Variants in SORCS2 observed in about 807,000 individuals in gnomAD.
The protein encoded by SORCS2 is VPS10 domain-containing receptor SorCS2.
SORCS2 carries 100 observed loss-of-function variants against 141.6 expected under a neutral mutation model. The observed-to-expected ratio is 0.71, with a 90% confidence interval of 0.60 to 0.83. The LOEUF (loss-of-function observed/expected upper bound fraction) is 0.83. Ranked by LOEUF, SORCS2 falls within the 40% of genes least tolerant of loss-of-function variation. The pLI is 0.00. For missense variants in SORCS2, 1,646 were observed against 1,560.2 expected (o/e 1.05, Z -0.93); for synonymous variants, 789 against 676.9 (o/e 1.17, Z -2.57).
At chr4:7,204,408 G>A (rs966578359) in intron 1 of SORCS2, among the ~76,000 whole-genome samples, 3 of 152,002 alleles carry the variant, frequency 2.0e-5, no homozygotes, top group African/African-American at 7.3e-5. Flanking sequence ...GTAGAGATGG[G>A]GGTTTTGCTG....
At chr4:7,393,885 C>T (rs924410628) in intron 1 of SORCS2, among the ~76,000 whole-genome samples, 3 of 152,258 alleles carry the variant, frequency 2.0e-5, no homozygotes, top group Non-Finnish European at 2.9e-5. Context: ...CAGAGCCAAG[C>T]GTGGAACCCG....
intron 2 of SORCS2, among the ~76,000 whole-genome samples, chr4:7,414,724 G>T (rs1451720225): frequency 6.6e-6 from 1 of 152,352 alleles, no homozygotes; most frequent in East Asian, 1.9e-4. Context: ...AAGAGCAACG[G>T]TACCAGGTGC....
At chr4:7,699,590 G>A (rs990833674) in intron 12 of SORCS2, among the ~76,000 whole-genome samples, 24 of 152,136 alleles carry the variant, frequency 1.6e-4, no homozygotes, top group Non-Finnish European at 2.2e-4. Context: ...CATCTCTCTC[G>A]GGGGACCCCC....
rs994941620 is a variant in SORCS2 at position 7,456,790 on chromosome 4, G to T, written c.548+60435G>T. 6.6e-5 allele frequency among the ~76,000 whole-genome samples: 10 copies of T among 152,158 alleles called. No individual in the cohort carries two copies. In the East Asian group the frequency reaches 1.7e-3, roughly 27 times the overall value. On this transcript the variant is annotated intron_variant, in intron 2 of 26. Coordinates refer to ENST00000507866, the MANE Select transcript of SORCS2 (RefSeq NM_020777.3). Reference sequence around the variant, plus strand: ...CTGTGGCAGGGGTAGGGGGGTGGAGGGTCATCTCTCGACGATCAGTGTGGA... The same window carrying T: ...CTGTGGCAGGGGTAGGGGGGTGGAGTGTCATCTCTCGACGATCAGTGTGGA...
rs1464797615 is a variant in SORCS2, at chr4:7,675,366, TG to T, written c.1162-683del. Among the ~76,000 whole-genome samples, 4 of 152,214 alleles carry T rather than the reference TG, an allele frequency of 2.6e-5. No individual in the cohort carries two copies. In the East Asian group the frequency reaches 7.7e-4, roughly 29 times the overall value. The stretch of plus-strand genomic sequence containing the variant: ...TCCTTCTCTGCCTCCCCCTCCAGAC[TG>T]TGCCCCCAGGGCTCAGGGCTGGCAG... On this transcript the variant is annotated intron_variant, in intron 8 of 26. Coordinates refer to ENST00000507866, the MANE Select transcript of SORCS2 (RefSeq NM_020777.3).
Position 7,294,202 on chromosome 4 carries a change from T to G in SORCS2, c.480+101076T>G, listed in dbSNP as rs527521939. On this transcript the variant is annotated intron_variant, in intron 1 of 26. Transcript: ENST00000507866. ...TGCCTGGCAATTAGGAAAGAGCCCA[T>G]GATGAGGCAGTGCCGGGGCGTAGGG... 2.0e-5 allele frequency among the ~76,000 whole-genome samples: 3 copies of G among 152,216 alleles called. No individual in the cohort carries two copies. In the East Asian group the frequency reaches 5.8e-4, roughly 29 times the overall value.
At chr4:7,282,112 A>G (rs1419093823) in intron 1 of SORCS2, among the ~76,000 whole-genome samples, 9 of 152,056 alleles carry the variant, frequency 5.9e-5, no homozygotes, top group African/African-American at 2.4e-5. Flanking sequence ...GGTTTTTCCC[A>G]CGGAACTCAG....
chr4:7,661,027 G>C (rs772990082), intron 5 of SORCS2, among the ~76,000 whole-genome samples: 1 of 152,208 alleles, frequency 6.6e-6, no homozygotes, highest in African/African-American at 2.4e-5. Flanking sequence ...GAGTCATTTT[G>C]CTTCTCTGAG....
At chr4:7,721,848 C>T (rs574112639) in intron 18 of SORCS2, among the ~76,000 whole-genome samples, 8 of 152,188 alleles carry the variant, frequency 5.3e-5, no homozygotes, top group African/African-American at 9.6e-5. Context: ...TGTATCATTC[C>T]GTACAACTAC....
chr4:7,212,373 A>T (rs1237604589), intron 1 of SORCS2, among the ~76,000 whole-genome samples: 1 of 152,190 alleles, frequency 6.6e-6, no homozygotes, highest in Admixed American at 6.5e-5. Flanking sequence ...AGGATGTGTT[A>T]AGCAGGACTT....
chr4:7,565,793 GATGATGATGGTGATGATGTGATGATGGCA>G (rs1246666830), intron 3 of SORCS2, among the ~76,000 whole-genome samples: 38 of 150,874 alleles, frequency 2.5e-4, no homozygotes, highest in Non-Finnish European at 3.6e-4. Flanking sequence ...TGATGGATAT[GATGATGATGGTGATGATGTGATGATGGCA>G]ATGGTGATGA....
chr4:7,374,046 A>G (rs905030831), intron 1 of SORCS2, among the ~76,000 whole-genome samples: 2 of 152,120 alleles, frequency 1.3e-5, no homozygotes, highest in Non-Finnish European at 2.9e-5. Context: ...TTCAGAGTCT[A>G]CATTTAGGTC....
At chr4:7,561,668 C>T (rs1714586724) in intron 3 of SORCS2, among the ~76,000 whole-genome samples, 1 of 152,104 alleles carries the variant, frequency 6.6e-6, no homozygotes, top group Non-Finnish European at 1.5e-5. Flanking sequence ...ATTCATCCAT[C>T]TATCCATCCA....
chr4:7,728,434 G>C lies in SORCS2; in HGVS notation c.2954G>C (p.Gly985Ala). Residue 985 changes from glycine (G) to alanine (A), a missense_variant, in exon 22 of 27, where the codon GGC (glycine) becomes GCC (alanine). Gly to Ala is a moderately conservative substitution (Grantham distance 60). Transcript: ENST00000507866. ...PNTPEWREDV[G>A]LVVTRLLSKE... ...ACCCCTGAGTGGAGGGAAGACGTGGGCCTGGTGGTCACCCGGCTGCTCTCC... is the reference window on the plus strand; with the variant it reads ...ACCCCTGAGTGGAGGGAAGACGTGGCCCTGGTGGTCACCCGGCTGCTCTCC... 6.2e-7 allele frequency: 1 copy of C among 1,613,462 alleles called. No individual in the cohort carries two copies.
chr4:7,480,820 G>A (rs1278466928), intron 2 of SORCS2, among the ~76,000 whole-genome samples: 1 of 152,254 alleles, frequency 6.6e-6, no homozygotes, highest in Admixed American at 6.5e-5. Context: ...GGCTGGGACA[G>A]GAGTGGAGAG....
At chr4:7,373,882 C>T (rs1477850246) in intron 1 of SORCS2, among the ~76,000 whole-genome samples, 1 of 152,034 alleles carries the variant, frequency 6.6e-6, no homozygotes, top group Non-Finnish European at 1.5e-5. Context: ...TCTTAGCATC[C>T]TTAGAACTTA....
At chr4:7,378,726 G>C (rs1171593194) in intron 1 of SORCS2, among the ~76,000 whole-genome samples, 2 of 152,144 alleles carry the variant, frequency 1.3e-5, no homozygotes, top group African/African-American at 4.8e-5. Context: ...TGTGTGCCAG[G>C]CTTTGCATGT....
intron 1 of SORCS2, among the ~76,000 whole-genome samples, chr4:7,322,408 C>T (rs1330413229): frequency 1.3e-5 from 2 of 152,228 alleles, no homozygotes; most frequent in Admixed American, 6.5e-5. Flanking sequence ...GCTGAGCCTG[C>T]TCTCACTTTC....
At chr4:7,619,655 G>C (rs1229050897) in intron 3 of SORCS2, among the ~76,000 whole-genome samples, 1 of 152,160 alleles carries the variant, frequency 6.6e-6, no homozygotes, top group Admixed American at 6.5e-5. Flanking sequence ...GGTTGGACTT[G>C]ATGTGCCCTC....
Sources: allele counts gnomAD v4.1 joint callset (sites outside exome capture counted in the v4.1 genomes callset), GRCh38; gene constraint gnomAD v4.1.1; transcripts MANE v1.5; gene names NCBI Gene and HGNC (gene_info 2026-07-23, HGNC 2026-07-21).